The following UNC80 variants were observed in gnomAD, a reference collection of about 807,000 sequenced individuals.
UNC80 encodes protein unc-80 homolog.
Under a neutral mutation model 384.6 loss-of-function variants are expected in UNC80, and 164 were observed. That is an observed-to-expected ratio of 0.43 (90% CI 0.38 to 0.49). UNC80 has a LOEUF of 0.49. UNC80 is among the 20% of genes least tolerant of loss of function. The pLI is 0.00. For synonymous variants in UNC80, 1,486 were observed against 1,527.8 expected (o/e 0.97, Z 0.64); for missense variants, 3,330 against 4,143.0 (o/e 0.80, Z 5.39).
At chr2:209,805,458 G>T (rs2153826608) in intron 7 of UNC80, among the ~76,000 whole-genome samples, 1 of 152,344 alleles carries the variant, frequency 6.6e-6, no homozygotes, top group Non-Finnish European at 1.5e-5. Flanking sequence ...CATGAATGCT[G>T]AAACAGCTTA....
chr2:209,782,217 A>T (rs866894003), intron 4 of UNC80, among the ~76,000 whole-genome samples: 2 of 152,354 alleles, frequency 1.3e-5, no homozygotes, highest in South Asian at 2.1e-4. Flanking sequence ...ATTTCTCGTC[A>T]TACAGAGAGT....
Position 209,887,382 on chromosome 2 carries a change from C to G in UNC80, c.4111-713C>G, listed in dbSNP as rs149583735. ...GAAACATCGCATCTCTCTCATCTTT[C>G]TTTCATAGCCACAGCTTCCTCTGAC... On this transcript the variant is annotated intron_variant, in intron 25 of 64. Coordinates refer to ENST00000673920, the MANE Select transcript of UNC80 (RefSeq NM_001371986.1). Among the ~76,000 whole-genome samples, 165 of 152,220 alleles carry G rather than the reference C, an allele frequency of 1.1e-3. 1 individual carries two copies. Among genetic ancestry groups the G allele is most frequent in the African/African-American group, 3.6e-3 (150 of 41,536 alleles).
rs78846221 is a variant in UNC80 at position 209,878,039 on chromosome 2, C to T, written c.3926C>T (p.Thr1309Ile). The change falls in exon 24 of 65, where the codon ACC (threonine) becomes ATC (isoleucine). Residue 1309 changes from threonine (T) to isoleucine (I), a missense_variant. Around this residue, in one of 8 missense-constraint regions of UNC80, gnomAD observed 801 missense variants for 950.8 expected, o/e 0.84. Coordinates refer to ENST00000673920, the MANE Select transcript of UNC80 (RefSeq NM_001371986.1). Reference sequence around the variant, plus strand: ...CTGGGTCTCATTTACGATGAAGAGACCAAGAGGAGACTTAGAAAGGAGGAT... The same window carrying T: ...CTGGGTCTCATTTACGATGAAGAGATCAAGAGGAGACTTAGAAAGGAGGAT... The part of the protein sequence containing the change: ...NLLGLIYDEE[T>I]KRRLRKEDEE... 13,030 of 1,544,168 alleles carry T rather than the reference C, an allele frequency of 8.4e-3. 83 individuals are homozygous for T. The highest frequency in any genetic ancestry group is 0.01 in the Non-Finnish European group (11,513 of 1,143,368).
intron 23 of UNC80, 137 bp downstream of exon 23, chr2:209,873,107 A>G (rs7581628): frequency 0.13 from 100,421 of 749,988 alleles, 9,404 homozygotes; most frequent in African/African-American, 0.35. Flanking sequence ...ACACTTTGGG[A>G]AAAAATAAGC....
chr2:209,844,507 C>T (rs1405554860), intron 21 of UNC80, among the ~76,000 whole-genome samples: 1 of 125,392 alleles, frequency 8.0e-6, no homozygotes, highest in African/African-American at 3.2e-5. Context: ...TTCCTTCCTT[C>T]CTTCCTTCCT....
chr2:209,965,041 A>T (rs2092704891), intron 51 of UNC80, among the ~76,000 whole-genome samples: 5 of 152,162 alleles, frequency 3.3e-5, no homozygotes, highest in Admixed American at 3.3e-4. Context: ...TTGGAGACAC[A>T]TACTGAAATA....
chr2:209,843,959 T>C (rs2081950680), intron 21 of UNC80, among the ~76,000 whole-genome samples: 1 of 152,228 alleles, frequency 6.6e-6, no homozygotes, highest in Non-Finnish European at 1.5e-5. Flanking sequence ...GTGATTCCTA[T>C]GATACTTCTC....
intron 24 of UNC80, among the ~76,000 whole-genome samples, chr2:209,880,530 A>G (rs1010204449): frequency 3.9e-5 from 6 of 152,208 alleles, no homozygotes; most frequent in African/African-American, 1.4e-4. Flanking sequence ...AATCTAGTTC[A>G]CTGCCATATA....
intron 61 of UNC80, among the ~76,000 whole-genome samples, chr2:209,991,086 T>C (rs928246872): frequency 8.5e-5 from 13 of 152,220 alleles, no homozygotes; most frequent in African/African-American, 3.1e-4. Flanking sequence ...GCTGGGTATT[T>C]AAGTAGCTCT....
rs182054592 is a variant in UNC80 at position 209,902,413 on chromosome 2, G to A, written c.4582-2352G>A. Among the ~76,000 whole-genome samples the A allele has an allele frequency of 1.4e-3, 210 of 152,346 alleles. 1 individual carries two copies. Among genetic ancestry groups the A allele is most frequent in the African/African-American group, 4.7e-3 (197 of 41,574 alleles). ...CATAAACTAAGTTGATAAGGCAGCAGCAGGGTTGTTGAGGGTTGATCGCAA... is the reference window on the plus strand; with the variant it reads ...CATAAACTAAGTTGATAAGGCAGCAACAGGGTTGTTGAGGGTTGATCGCAA... On this transcript the variant is annotated intron_variant, in intron 28 of 64. Transcript: ENST00000673920.
chr2:209,816,625 C>A (rs1292616170), intron 9 of UNC80, among the ~76,000 whole-genome samples: 1 of 152,170 alleles, frequency 6.6e-6, no homozygotes, highest in East Asian at 1.9e-4. Context: ...AATAAGTTCC[C>A]AAGTGATGCT....
At position 209,786,069 on chromosome 2, in the gene UNC80, T is replaced by C. The variant is rs1221199537; in HGVS notation, c.604T>C (p.Ser202Pro). ...TATATCTTCTCCTCCCCCCTAGGAATCTGACCTCACCTTCCGTCTGGCCAG... is the reference window on the plus strand; with the variant it reads ...TATATCTTCTCCTCCCCCCTAGGAACCTGACCTCACCTTCCGTCTGGCCAG... ...FAPLVHRIKESDLTFRLASGL... is the reference protein window; with the variant it reads ...FAPLVHRIKEPDLTFRLASGL... Residue 202 changes from serine (S) to proline (P), a missense_variant, in exon 5 of 65, where the codon TCT (serine) becomes CCT (proline). Transcript: ENST00000673920. 2 of 1,613,654 alleles carry C rather than the reference T, an allele frequency of 1.2e-6. No homozygotes were observed. Among genetic ancestry groups the C allele is most frequent in the Admixed American group, 1.7e-5 (1 of 59,986 alleles).
In UNC80 at chr2:209,922,378, C is replaced by T; in HGVS notation, c.5657C>T (p.Ala1886Val). ...SVWSVRSAVS[A>V]EDEEHTTEHT... ...TGGTCAGTGCGTTCAGCCGTCAGTG[C>T]TGAAGGTGTGTCCTCTTGCATACGT... is the stretch of plus-strand genomic sequence containing the variant. The change falls in exon 35 of 65, where the codon GCT (alanine) becomes GTT (valine). Residue 1886 changes from alanine (A) to valine (V), a missense_variant. Around this residue, in one of 8 missense-constraint regions of UNC80, gnomAD observed 1,049 missense variants for 1,488.6 expected, o/e 0.70. Transcript: ENST00000673920. 1.3e-6 allele frequency: 2 copies of T among 1,551,566 alleles called. No homozygotes were observed. Among genetic ancestry groups the T allele is most frequent in the Non-Finnish European group, 1.7e-6 (2 of 1,146,834 alleles).
At chr2:209,982,946 A>ATC (rs2093192755) in intron 60 of UNC80, 1 of 33,682 alleles carries the variant, frequency 3.0e-5, no homozygotes, top group Admixed American at 2.0e-4. Flanking sequence ...TCCCATGTAT[A>ATC]TATATATATA....
intron 47 of UNC80, among the ~76,000 whole-genome samples, chr2:209,947,039 A>G (rs997808569): frequency 6.6e-6 from 1 of 152,176 alleles, no homozygotes; most frequent in Non-Finnish European, 1.5e-5. Flanking sequence ...TCAGGCACGG[A>G]TGTGGCTGTG....
intron 22 of UNC80, among the ~76,000 whole-genome samples, chr2:209,868,194 C>T (rs927650150): frequency 6.6e-6 from 1 of 152,178 alleles, no homozygotes; most frequent in African/African-American, 2.4e-5. Flanking sequence ...TAGCAAAGAA[C>T]TTTGGAATGC....
chr2:209,848,899 G>A (rs2082334460), intron 21 of UNC80, among the ~76,000 whole-genome samples: 1 of 152,108 alleles, frequency 6.6e-6, no homozygotes, highest in Non-Finnish European at 1.5e-5. Flanking sequence ...TACTATGAAT[G>A]CAAATTGTTA....
chr2:209,981,794 AG>A (rs961678619), intron 59 of UNC80, among the ~76,000 whole-genome samples: 1 of 152,224 alleles, frequency 6.6e-6, no homozygotes. Context: ...TTGAATGTCA[AG>A]GAAATGTATT....
intron 51 of UNC80, among the ~76,000 whole-genome samples, chr2:209,962,794 C>G (rs1052478600): frequency 6.6e-6 from 1 of 152,162 alleles, no homozygotes; most frequent in African/African-American, 2.4e-5. Flanking sequence ...TTATACTAAG[C>G]AAAGGATGTA....
Sources: gnomAD v4.1 joint callset for allele counts (sites outside exome capture counted in the v4.1 genomes callset) on GRCh38, gnomAD v4.1.1 for gene constraint, gnomAD v4.1.1 regional missense constraint, MANE v1.5 for transcripts, NCBI Gene and HGNC (gene_info 2026-07-23, HGNC 2026-07-21) for gene names.